Variants in SMPD4 observed in about 807,000 individuals in gnomAD.
The protein encoded by SMPD4 is sphingomyelin phosphodiesterase 4.
A neutral mutation model predicts 97.8 loss-of-function variants in SMPD4; 58 were observed. The observed-to-expected ratio is 0.59, with a 90% CI of 0.48 to 0.74. SMPD4 has a LOEUF of 0.74. SMPD4 is among the 30% of genes least tolerant of loss of function. The probability of loss-of-function intolerance (pLI) is 0.00; values close to 1 mark genes in which losing one functional copy is unlikely to be tolerated. For missense variants in SMPD4, 853 were observed against 1,080.5 expected (o/e 0.79, Z 2.95); for synonymous variants, 388 against 450.0 (o/e 0.86, Z 1.74).
At chr2:130,179,664 A>G (rs768634652) in intron 1 of SMPD4, among the ~76,000 whole-genome samples, 1 of 150,756 alleles carries the variant, frequency 6.6e-6, no homozygotes, top group Non-Finnish European at 1.5e-5. Context: ...GACTTTTTCA[A>G]TTCTTTTTTG....
chr2:130,160,424 C>T (rs1427005297), intron 11 of SMPD4, among the ~76,000 whole-genome samples: 2 of 152,360 alleles, frequency 1.3e-5, no homozygotes, highest in East Asian at 1.9e-4. Context: ...CCGTCTCCCC[C>T]GGCTCTCACA....
Position 130,172,793 on chromosome 2 carries a change from C to A in SMPD4, c.448G>T (p.Ala150Ser), listed in dbSNP as rs752824405. The A allele has an allele frequency of 9.9e-6, 16 of 1,614,176 alleles. No individual in the cohort carries two copies. In the South Asian group the frequency reaches 1.8e-4, roughly 18 times the overall value. ...CAGGGCCACCAAAGGATACTCAGGG[C>A]CAAGTTCAGACCAAGGCCCCCAGTA... Reference protein sequence around the residue: ...TPTGGLGLNLALNPFEYYIFF... With the variant: ...TPTGGLGLNLSLNPFEYYIFF... The change falls in exon 6 of 20, where the codon GCC becomes TCC. Residue 150 changes from alanine to serine, a missense_variant. Around this residue, in one of 3 missense-constraint regions of SMPD4, gnomAD observed 313 missense variants for 402.2 expected, o/e 0.78. Coordinates refer to ENST00000680298, the MANE Select transcript of SMPD4 (RefSeq NM_017951.5).
intron 8 of SMPD4, among the ~76,000 whole-genome samples, chr2:130,169,223 A>C (rs562617596): frequency 1.3e-5 from 2 of 152,330 alleles, no homozygotes; most frequent in African/African-American, 4.8e-5. Context: ...TGGAGGGGTC[A>C]AGGTCAGGAA....
intron 11 of SMPD4, among the ~76,000 whole-genome samples, chr2:130,159,197 G>A (rs1248082888): frequency 1.3e-5 from 2 of 152,104 alleles, no homozygotes; most frequent in Non-Finnish European, 2.9e-5. Flanking sequence ...GTTTCGCCAT[G>A]TTGCCCAGGC....
At chr2:130,165,310 C>T (rs1687826523) in intron 9 of SMPD4, among the ~76,000 whole-genome samples, 2 of 151,854 alleles carry the variant, frequency 1.3e-5, no homozygotes, top group South Asian at 2.1e-4. Context: ...AATTCCAGCT[C>T]AGCTACTCAG....
chr2:130,154,236 G>A (rs1686531768), intron 16 of SMPD4, 41 bp downstream of exon 16: 1 of 1,539,960 alleles, frequency 6.5e-7, no homozygotes. Context: ...CAGCCCCATG[G>A]CTCCAGGGGC....
At chr2:130,158,880 C>G (rs981153534) in intron 11 of SMPD4, among the ~76,000 whole-genome samples, 7 of 152,186 alleles carry the variant, frequency 4.6e-5, no homozygotes, top group Admixed American at 6.5e-5. Flanking sequence ...AGACCCCGCA[C>G]GGGCCACTGC....
chr2:130,163,720 G>A (rs1413411361), intron 10 of SMPD4, among the ~76,000 whole-genome samples: 1 of 152,238 alleles, frequency 6.6e-6, no homozygotes, highest in Non-Finnish European at 1.5e-5. Flanking sequence ...CACTCTGACC[G>A]GTCCAGGGGT....
At chr2:130,165,501 AT>A (rs1160309835) in intron 9 of SMPD4, among the ~76,000 whole-genome samples, 1 of 152,222 alleles carries the variant, frequency 6.6e-6, no homozygotes, top group Non-Finnish European at 1.5e-5. Context: ...AATGTGGTAC[AT>A]CCACACAATG....
intron 1 of SMPD4, 21 bp downstream of exon 1, chr2:130,181,509 C>T (rs768284112): frequency 2.1e-5 from 33 of 1,593,388 alleles, no homozygotes; most frequent in Middle Eastern, 3.3e-4. Context: ...CCGTCTCAGG[C>T]GCGCATCCCG....
intron 12 of SMPD4, 97 bp from the exon 13 acceptor site, chr2:130,156,772 C>T (rs749053791): frequency 2.1e-5 from 32 of 1,553,546 alleles, no homozygotes; most frequent in South Asian, 7.1e-5. Context: ...TTGGCTCCGC[C>T]GGGGGAGAGC....
intron 9 of SMPD4, among the ~76,000 whole-genome samples, chr2:130,166,400 TGCCCTCTTCATGGCCAGCACA>T (rs1687932728): frequency 1.3e-5 from 2 of 151,448 alleles, no homozygotes; most frequent in South Asian, 4.2e-4. Flanking sequence ...CATGATCTTC[TGCCCTCTTCATGGCCAGCACA>T]GCCTACGGTC....
chr2:130,173,565 CCCTGTAAGCAGCGGAGGTT>C lies in SMPD4; in HGVS notation c.199_217del (p.Asn67GlyfsTer3). The C allele has an allele frequency of 6.2e-7, 1 of 1,613,678 alleles. No individual in the cohort carries two copies. The highest frequency in any genetic ancestry group is 1.1e-5 in the South Asian group (1 of 91,056). ...GCTGTACTCCACAGGATTCACGCGC[CCCTGTAAGCAGCGGAGGTT>C]CCAGCCAACGAGGACACCATCTAGG... On this transcript the variant is annotated frameshift_variant, in exon 4 of 20. Transcript: ENST00000680298. LOFTEE classifies it high-confidence loss of function.
In SMPD4 at chr2:130,174,341, A is replaced by C. The variant is rs568405182; in HGVS notation, c.126+573T>G. The stretch of plus-strand genomic sequence containing the variant: ...AAAAAGATTCTTTAAACAGTGATGG[A>C]AACTTCTGACTTGAAGGATGCTCTA... On this transcript the variant is annotated intron_variant, in intron 3 of 19. Coordinates refer to ENST00000680298, the MANE Select transcript of SMPD4 (RefSeq NM_017951.5). Among the ~76,000 whole-genome samples, 5 of 152,344 alleles carry C rather than the reference A, an allele frequency of 3.3e-5. 1 individual carries two copies. In the South Asian group the frequency reaches 1.0e-3, roughly 32 times the overall value.
Position 130,173,594 on chromosome 2 carries a change from G to A in SMPD4, c.189C>T (p.Leu63=), listed in dbSNP as rs41269839. The A allele has an allele frequency of 6.3e-3, 10,131 of 1,613,824 alleles. 58 individuals are homozygous for A. Among genetic ancestry groups the A allele is most frequent in the Middle Eastern group, 0.013 (80 of 6,054 alleles). Residue 63 remains leucine, a synonymous_variant, in exon 4 of 20, where the codon CTC becomes CTT. Transcript: ENST00000680298. ...GTAAGCAGCGGAGGTTCCAGCCAACGAGGACACCATCTAGGCTGCCAAAAA... is the reference window on the plus strand; with the variant it reads ...GTAAGCAGCGGAGGTTCCAGCCAACAAGGACACCATCTAGGCTGCCAAAAA... ...ESIFGSLDGV[L]VGWNLRCLQG... is the part of the protein sequence containing the mutation.
At chr2:130,178,471 C>T (rs1054743401) in intron 1 of SMPD4, among the ~76,000 whole-genome samples, 2 of 152,110 alleles carry the variant, frequency 1.3e-5, no homozygotes, top group African/African-American at 4.8e-5. Context: ...CAAGCTCTGC[C>T]AAGGGAGCCT....
At chr2:130,179,234 C>T (rs568568153) in intron 1 of SMPD4, among the ~76,000 whole-genome samples, 81 of 152,028 alleles carry the variant, frequency 5.3e-4, no homozygotes, top group African/African-American at 1.8e-3. Flanking sequence ...CATTCTCCTG[C>T]CTCAGCCTCC....
intron 9 of SMPD4, among the ~76,000 whole-genome samples, chr2:130,164,866 G>C (rs973574261): frequency 7.2e-5 from 11 of 152,116 alleles, no homozygotes; most frequent in African/African-American, 1.9e-4. Context: ...AGCACTTTGG[G>C]AGGCCGAGGT....
chr2:130,167,015 A>G (rs2104868629), intron 9 of SMPD4, among the ~76,000 whole-genome samples: 1 of 152,352 alleles, frequency 6.6e-6, no homozygotes, highest in Middle Eastern at 3.4e-3. Context: ...ATGTTTTCTA[A>G]ATGTCACAGC....
Sources: gnomAD v4.1 joint callset for allele counts (sites outside exome capture counted in the v4.1 genomes callset) on GRCh38, gnomAD v4.1.1 for gene constraint, gnomAD v4.1.1 regional missense constraint, MANE v1.5 for transcripts, NCBI Gene and HGNC (gene_info 2026-07-23, HGNC 2026-07-21) for gene names.